AEBP2: variants seen among roughly 807,000 people sequenced by gnomAD.
AEBP2 encodes AE binding protein 2, also known as zinc finger protein AEBP2.
Under a neutral mutation model 50.8 loss-of-function variants are expected in AEBP2, and 10 were observed. That is an observed-to-expected ratio of 0.20 (90% CI 0.12 to 0.33). The LOEUF is 0.33. AEBP2 is among the 10% of genes least tolerant of loss of function. The probability of loss-of-function intolerance (pLI) is 1.00; values close to 1 mark genes in which losing one functional copy is unlikely to be tolerated. For missense variants in AEBP2, 570 were observed against 688.0 expected (o/e 0.83, Z 1.92); for synonymous variants, 296 against 261.3 (o/e 1.13, Z -1.28).
chr12:19,497,357 C>CA (rs1194210338), intron 4 of AEBP2, among the ~76,000 whole-genome samples: 1 of 60,976 alleles, frequency 1.6e-5, no homozygotes, highest in Non-Finnish European at 2.4e-5. Context: ...TTTTTTGAGA[C>CA]AGAGTCTCAC....
At chr12:19,483,197 A>T (rs888520038) in intron 3 of AEBP2, among the ~76,000 whole-genome samples, 3 of 151,980 alleles carry the variant, frequency 2.0e-5, no homozygotes, top group Non-Finnish European at 1.5e-5. Context: ...TACCCTTGTG[A>T]GATATAGTCG....
chr12:19,487,024 AATG>A (rs1209991771), intron 3 of AEBP2, among the ~76,000 whole-genome samples: 2 of 152,132 alleles, frequency 1.3e-5, no homozygotes, highest in Non-Finnish European at 2.9e-5. Flanking sequence ...AGCAATTTGC[AATG>A]ATGTTGACCA....
intron 1 of AEBP2, among the ~76,000 whole-genome samples, chr12:19,443,792 G>A (rs377075753): frequency 7.9e-5 from 12 of 152,246 alleles, no homozygotes; most frequent in Admixed American, 7.2e-4. Flanking sequence ...TTATGGTATT[G>A]GAAGGTTTTG....
At chr12:19,458,916 A>G (rs183409483) in intron 1 of AEBP2, among the ~76,000 whole-genome samples, 40 of 152,312 alleles carry the variant, frequency 2.6e-4, no homozygotes, top group African/African-American at 9.1e-4. Flanking sequence ...GAGACTAGCT[A>G]TGTCTCTGTC....
Position 19,430,995 on chromosome 12 carries a change from G to A in AEBP2, c.-17+26779G>A, listed in dbSNP as rs145453047. ...CCACTGCACTCCAGTCCAGGCAATA[G>A]AGCCAGACCCTGTCTAAAAAAAAAA... On this transcript the variant is annotated intron_variant, in intron 1 of 3. Coordinates refer to the AEBP2 transcript ENST00000538425. Among the ~76,000 whole-genome samples the A allele has an allele frequency of 8.7e-4, 119 of 136,678 alleles. 1 individual carries two copies. Among genetic ancestry groups the A allele is most frequent in the African/African-American group, 3.2e-3 (113 of 35,424 alleles). The allele number at this position is 136,678 out of a possible 152,430, so 89.7% of individuals were successfully genotyped here. A position where few individuals can be genotyped will look rare whatever the true frequency, so the allele number is the denominator to read the frequency against.
upstream of AEBP2, among the ~76,000 whole-genome samples, chr12:19,434,831 G>A (rs2095753362): frequency 1.3e-5 from 2 of 152,198 alleles, no homozygotes; most frequent in African/African-American, 4.8e-5. Context: ...GAGGAAGACA[G>A]GGAAACTCTC....
chr12:19,458,319 C>A (rs1948309892), intron 1 of AEBP2, among the ~76,000 whole-genome samples: 1 of 152,178 alleles, frequency 6.6e-6, no homozygotes, highest in South Asian at 2.1e-4. Context: ...TTGGATACTT[C>A]CTAGAAGTTG....
At chr12:19,486,910 G>A (rs1027901099) in intron 3 of AEBP2, among the ~76,000 whole-genome samples, 3 of 151,644 alleles carry the variant, frequency 2.0e-5, no homozygotes, top group Non-Finnish European at 2.9e-5. Flanking sequence ...TACCCGCCTC[G>A]GCCTTCCAAG....
At chr12:19,407,562 A>G (rs1436606866) in intron 1 of AEBP2, among the ~76,000 whole-genome samples, 9 of 152,092 alleles carry the variant, frequency 5.9e-5, no homozygotes, top group African/African-American at 2.2e-4. Flanking sequence ...TTGGCCTCCC[A>G]AAGTGCTGGT....
intron 3 of AEBP2, among the ~76,000 whole-genome samples, chr12:19,486,604 A>G (rs1026765763): frequency 1.3e-5 from 2 of 151,932 alleles, no homozygotes; most frequent in Non-Finnish European, 1.5e-5. Context: ...GCTGGTTTCG[A>G]ACTCGCAGGC....
chr12:19,462,685 C>A lies in AEBP2; in HGVS notation c.847C>A (p.Arg283Ser). The A allele has an allele frequency of 6.2e-7, 1 of 1,613,600 alleles. No homozygotes were observed. Residue 283 changes from arginine (R) to serine (S), a missense_variant, in exon 2 of 8, where the codon CGT becomes AGT. Physicochemically the swap from Arg to Ser is moderately radical, Grantham distance 110. Transcript: ENST00000266508. ...TAGCCCAGATCTGGCAGATCACATCCGTTCCATACATGTAGATGGTCAGCG... is the reference window on the plus strand; with the variant it reads ...TAGCCCAGATCTGGCAGATCACATCAGTTCCATACATGTAGATGGTCAGCG... ...NSSPDLADHI[R>S]SIHVDGQRGG...
At chr12:19,485,543 C>T (rs1948794443) in intron 3 of AEBP2, among the ~76,000 whole-genome samples, 1 of 150,810 alleles carries the variant, frequency 6.6e-6, no homozygotes, top group South Asian at 2.1e-4. Context: ...CCTGTCTGTA[C>T]AAAAAAAATA....
At chr12:19,464,590 TAA>T (rs1948438279) in intron 2 of AEBP2, among the ~76,000 whole-genome samples, 1 of 149,486 alleles carries the variant, frequency 6.7e-6, no homozygotes, top group African/African-American at 2.4e-5. Flanking sequence ...ATTAATTAAT[TAA>T]TTTTTTTTTT....
chr12:19,457,341 G>GAAGTCTCTGTGGTT, intron 1 of AEBP2: 1 of 1,475,376 alleles, frequency 6.8e-7, no homozygotes. Flanking sequence ...TGTTTTTGAT[G>GAAGTCTCTGTGGTT]AAGTCTCTGT....
intron 1 of AEBP2, among the ~76,000 whole-genome samples, chr12:19,406,689 A>G (rs1242050807): frequency 6.6e-6 from 1 of 152,096 alleles, no homozygotes; most frequent in East Asian, 1.9e-4. Context: ...CTCAAAAAAA[A>G]AAAAAAATTT....
At chr12:19,455,816 A>G (rs780766416) in intron 1 of AEBP2, among the ~76,000 whole-genome samples, 104 of 152,342 alleles carry the variant, frequency 6.8e-4, no homozygotes, top group Non-Finnish European at 1.2e-3. Context: ...TATTCCATTG[A>G]CATCTCTAAC....
At chr12:19,452,802 C>A (rs1156297257) in intron 1 of AEBP2, among the ~76,000 whole-genome samples, 1 of 152,034 alleles carries the variant, frequency 6.6e-6, no homozygotes, top group African/African-American at 2.4e-5. Context: ...TGTAATCTTT[C>A]TAGTATAAGT....
At chr12:19,502,657 T>C (rs1483008366) in intron 5 of AEBP2, among the ~76,000 whole-genome samples, 1 of 151,962 alleles carries the variant, frequency 6.6e-6, no homozygotes, top group Non-Finnish European at 1.5e-5. Context: ...CTATTCTTTT[T>C]TTTTTTTTGA....
At chr12:19,407,775 G>A (rs573603619) in intron 1 of AEBP2, among the ~76,000 whole-genome samples, 2 of 152,188 alleles carry the variant, frequency 1.3e-5, no homozygotes, top group African/African-American at 2.4e-5. Flanking sequence ...ATGGCTGGAC[G>A]TGGTGGCTTA....
Sources: allele counts gnomAD v4.1 joint callset (sites outside exome capture counted in the v4.1 genomes callset), GRCh38; gene constraint gnomAD v4.1.1; transcripts MANE v1.5; gene names NCBI Gene and HGNC (gene_info 2026-07-23, HGNC 2026-07-21).